Variants in GPRC6A observed in about 807,000 individuals in gnomAD.
GPRC6A encodes the protein G protein-coupled receptor class C group 6 member A.
GPRC6A carries 54 observed loss-of-function variants against 47.0 expected under a neutral mutation model. That is an observed-to-expected ratio of 1.15 (90% CI 0.92 to 1.44). GPRC6A has a LOEUF of 1.44. Ranked by LOEUF, GPRC6A falls within the 40% of genes most tolerant of loss-of-function variation. The probability of loss-of-function intolerance (pLI) is 0.00; values close to 1 mark genes in which losing one functional copy is unlikely to be tolerated. For synonymous variants in GPRC6A, 347 were observed against 377.1 expected, an observed-to-expected ratio of 0.92 and a Z score of 0.93; for missense variants, 1,112 against 1,105.5, an observed-to-expected ratio of 1.01 and a Z score of -0.08.
At chr6:116,813,635 T>C (rs7750923) in intron 1 of GPRC6A, among the ~76,000 whole-genome samples, 17,523 of 152,018 alleles carry the variant, frequency 0.12, 1,297 homozygotes, top group African/African-American at 0.21. Context: ...TTAAATGTTA[T>C]ACCTAAAACC....
intron 1 of GPRC6A, among the ~76,000 whole-genome samples, chr6:116,821,965 A>G (rs1773501110): frequency 6.7e-6 from 1 of 148,520 alleles, no homozygotes; most frequent in South Asian, 2.1e-4. Context: ...TACTCATCTG[A>G]CAAAGGTCTA....
At position 116,792,741 on chromosome 6, in the gene GPRC6A, G is replaced by A. The variant is rs1332009917; in HGVS notation, c.2182C>T (p.Pro728Ser). Residue 728 changes from proline (P) to serine (S), a missense_variant, in exon 6 of 6, where the codon CCT becomes TCT. Physicochemically the swap from Pro to Ser is moderately conservative, Grantham distance 74. Coordinates refer to ENST00000310357, the MANE Select transcript of GPRC6A (RefSeq NM_148963.4). ...ICTLWLIFAAPTVEVNVSLPR... is the reference protein window; with the variant it reads ...ICTLWLIFAASTVEVNVSLPR... Reference sequence around the variant, plus strand: ...AAGGAGACATTCACCTCTACAGTAGGTGCTGCAAAGATTAGCCAGAGTGTG... The same window carrying A: ...AAGGAGACATTCACCTCTACAGTAGATGCTGCAAAGATTAGCCAGAGTGTG... 1.9e-6 allele frequency: 3 copies of A among 1,613,918 alleles called. No individual in the cohort carries two copies. The highest frequency in any genetic ancestry group is 1.7e-4 in the Middle Eastern group (1 of 6,056).
At chr6:116,826,386 G>C (rs939577972) in intron 1 of GPRC6A, among the ~76,000 whole-genome samples, 1 of 151,808 alleles carries the variant, frequency 6.6e-6, no homozygotes, top group Admixed American at 6.6e-5. Context: ...AACATGAACA[G>C]ATGATTCTCA....
At chr6:116,823,421 A>G (rs1229565736) in intron 1 of GPRC6A, among the ~76,000 whole-genome samples, 2 of 152,048 alleles carry the variant, frequency 1.3e-5, no homozygotes, top group Non-Finnish European at 2.9e-5. Context: ...CCTCATCTCC[A>G]TTTGAGACCT....
intron 3 of GPRC6A, 90 bp downstream of exon 3, chr6:116,806,280 C>T (rs1772832965): frequency 1.3e-6 from 1 of 787,682 alleles, no homozygotes; most frequent in Middle Eastern, 2.4e-4. Flanking sequence ...GGATTAAGAG[C>T]AATTAATATA....
intron 4 of GPRC6A, 48 bp from the exon 5 acceptor site, chr6:116,795,883 A>G: frequency 7.6e-7 from 1 of 1,313,434 alleles, no homozygotes; most frequent in Non-Finnish European, 1.1e-6. Flanking sequence ...TGTAAAAAAA[A>G]TTATCCTAAT....
chr6:116,801,608 A>G (rs1209735562), intron 3 of GPRC6A, among the ~76,000 whole-genome samples: 1 of 152,146 alleles, frequency 6.6e-6, no homozygotes, highest in South Asian at 2.1e-4. Context: ...ATTTGAAGAC[A>G]ATTATTCTAT....
intron 1 of GPRC6A, among the ~76,000 whole-genome samples, chr6:116,828,588 A>G (rs1179693232): frequency 6.6e-6 from 1 of 152,134 alleles, no homozygotes; most frequent in African/African-American, 2.4e-5. Flanking sequence ...CTAAATTAAT[A>G]TATTAATGAA....
intron 1 of GPRC6A, among the ~76,000 whole-genome samples, chr6:116,812,908 AG>A (rs1210690890): frequency 1.3e-5 from 2 of 152,228 alleles, no homozygotes; most frequent in Admixed American, 6.5e-5. Flanking sequence ...ACTTCAGCAA[AG>A]TCTCAGAATA....
At chr6:116,809,811 T>C (rs1287321677) in intron 1 of GPRC6A, among the ~76,000 whole-genome samples, 194 bp from the exon 2 acceptor site, 1 of 152,206 alleles carries the variant, frequency 6.6e-6, no homozygotes, top group Non-Finnish European at 1.5e-5. Context: ...CCACAGTTTC[T>C]TAAAAGGAGT....
chr6:116,792,414 T>C lies in GPRC6A; in HGVS notation c.2509A>G (p.Ile837Val). 2 of 1,614,044 alleles carry C rather than the reference T, an allele frequency of 1.2e-6. No homozygotes were observed. The highest frequency in any genetic ancestry group is 2.2e-5 in the East Asian group (1 of 44,876). ...YCTFIPKCYV[I>V]ICKQEINTKS... ...GTGTTAATCTCTTGCTTACAAATAA[T>C]AACATAGCATTTGGGGATGAATGTG... is the stretch of plus-strand genomic sequence containing the variant. The change falls in exon 6 of 6, where the codon ATT becomes GTT. Residue 837 changes from isoleucine to valine, a missense_variant. Ile to Val is a conservative substitution (Grantham distance 29, BLOSUM62 3). Coordinates refer to ENST00000310357, the MANE Select transcript of GPRC6A (RefSeq NM_148963.4).
At chr6:116,821,865 C>G (rs1399479481) in intron 1 of GPRC6A, among the ~76,000 whole-genome samples, 2 of 150,866 alleles carry the variant, frequency 1.3e-5, no homozygotes, top group Non-Finnish European at 2.9e-5. Flanking sequence ...CAAATGGGAT[C>G]TAATTAAAGT....
intron 2 of GPRC6A, among the ~76,000 whole-genome samples, chr6:116,808,081 C>A (rs1772911726): frequency 1.3e-5 from 2 of 151,740 alleles, no homozygotes; most frequent in African/African-American, 4.8e-5. Flanking sequence ...CTGTTAGAAT[C>A]CCAACTCCAA....
intron 1 of GPRC6A, among the ~76,000 whole-genome samples, chr6:116,809,935 T>C (rs1183563251): frequency 6.6e-6 from 1 of 152,176 alleles, no homozygotes; most frequent in East Asian, 1.9e-4. Flanking sequence ...CAGCATTTTA[T>C]TGCTGTCAAA....
chr6:116,801,363 A>T (rs1369971383), intron 3 of GPRC6A, among the ~76,000 whole-genome samples: 1 of 152,182 alleles, frequency 6.6e-6, no homozygotes, highest in Non-Finnish European at 1.5e-5. Flanking sequence ...GACAAAAAAT[A>T]TTTTGTTTAC....
At position 116,806,606 on chromosome 6, in the gene GPRC6A, C is replaced by T. The variant is rs370713450; in HGVS notation, c.1099G>A (p.Val367Ile). The T allele has an allele frequency of 6.2e-7, 1 of 1,613,510 alleles. No homozygotes were observed. Among genetic ancestry groups the T allele is most frequent in the East Asian group, 2.2e-5 (1 of 44,874 alleles). ...YAMHLSACAY[V>I]KDTDLSQCIF... ...CATTGACTCAAATCAGTGTCCTTGACATATGCGCAGGCAGATAAATGCATG... is the reference window on the plus strand; with the variant it reads ...CATTGACTCAAATCAGTGTCCTTGATATATGCGCAGGCAGATAAATGCATG... Residue 367 changes from valine to isoleucine, a missense_variant, in exon 3 of 6, where the codon GTC becomes ATC. By Grantham distance (29) the Val-to-Ile change is conservative (BLOSUM62 3). Coordinates refer to ENST00000310357, the MANE Select transcript of GPRC6A (RefSeq NM_148963.4).
At chr6:116,812,459 A>C (rs1462586503) in intron 1 of GPRC6A, among the ~76,000 whole-genome samples, 1 of 152,186 alleles carries the variant, frequency 6.6e-6, no homozygotes, top group Non-Finnish European at 1.5e-5. Context: ...GAAGGACTCA[A>C]ATGATACTAC....
chr6:116,793,375 C>A, intron 5 of GPRC6A, 125 bp from the exon 6 acceptor site: 4 of 554,610 alleles, frequency 7.2e-6, no homozygotes, highest in Admixed American at 3.8e-5. Flanking sequence ...ATGATTGTTA[C>A]ATTGGTTACT....
intron 1 of GPRC6A, among the ~76,000 whole-genome samples, chr6:116,826,081 C>T (rs562988661): frequency 2.0e-5 from 3 of 151,646 alleles, no homozygotes; most frequent in Non-Finnish European, 4.4e-5. Context: ...TCCCAAATTA[C>T]AAAACTATTA....
Sources: gnomAD v4.1 joint callset for allele counts (sites outside exome capture counted in the v4.1 genomes callset) on GRCh38, gnomAD v4.1.1 for gene constraint, MANE v1.5 for transcripts, NCBI Gene and HGNC (gene_info 2026-07-23, HGNC 2026-07-21) for gene names.